Variants in PLA2G6 observed in about 807,000 individuals in gnomAD.
PLA2G6 encodes 85/88 kDa calcium-independent phospholipase A2.
PLA2G6 carries 62 observed loss-of-function variants against 83.8 expected under a neutral mutation model. The observed-to-expected ratio is 0.74, with a 90% CI of 0.60 to 0.91. The LOEUF (loss-of-function observed/expected upper bound fraction) is 0.91. PLA2G6 is among the 40% of genes least tolerant of loss of function. The pLI is 0.00. For synonymous variants in PLA2G6, 417 were observed against 449.8 expected, an observed-to-expected ratio of 0.93 and a Z score of 0.92; for missense variants, 944 against 1,102.0, an observed-to-expected ratio of 0.86 and a Z score of 2.03.
At chr22:38,154,253 C>T (rs926663269) in intron 2 of PLA2G6, among the ~76,000 whole-genome samples, 8 of 152,206 alleles carry the variant, frequency 5.3e-5, no homozygotes, top group African/African-American at 1.4e-4. Context: ...CTTAAGCAAA[C>T]GTAGGCAGTA....
intron 2 of PLA2G6, among the ~76,000 whole-genome samples, chr22:38,164,385 C>T (rs968455083): frequency 6.6e-6 from 1 of 152,238 alleles, no homozygotes; most frequent in Admixed American, 6.5e-5. Context: ...TTCTGCAAGC[C>T]TCTGTTTCCT....
At chr22:38,152,093 T>C (rs2089587701) in intron 2 of PLA2G6, among the ~76,000 whole-genome samples, 1 of 152,150 alleles carries the variant, frequency 6.6e-6, no homozygotes, top group South Asian at 2.1e-4. Context: ...GGTGGGGGGC[T>C]AATGGGAGGT....
At chr22:38,145,231 T>C in intron 3 of PLA2G6, 1 of 622,576 alleles carries the variant, frequency 1.6e-6, no homozygotes, top group African/African-American at 1.8e-5. Flanking sequence ...GGTCTTGCTA[T>C]TTTGCCAGGC....
chr22:38,135,106 T>A lies in PLA2G6; in HGVS notation c.798-22A>T, dbSNP rs372731031. The A allele has an allele frequency of 6.3e-7, 1 of 1,576,532 alleles. No individual in the cohort carries two copies. The highest frequency in any genetic ancestry group is 1.3e-5 in the African/African-American group (1 of 74,166). ...ACACCTGGTGAGAGAGGGGCCCCGGTTGGTGAGCAGAAGCTAGGGTCTGCG... is the reference window on the plus strand; with the variant it reads ...ACACCTGGTGAGAGAGGGGCCCCGGATGGTGAGCAGAAGCTAGGGTCTGCG... On this transcript the variant is annotated intron_variant, in intron 5 of 16. Coordinates refer to ENST00000332509, the MANE Select transcript of PLA2G6 (RefSeq NM_003560.4).
intron 12 of PLA2G6, among the ~76,000 whole-genome samples, chr22:38,117,201 C>T (rs890076813): frequency 6.6e-6 from 1 of 152,240 alleles, no homozygotes; most frequent in East Asian, 1.9e-4. Flanking sequence ...CGCCCACGAG[C>T]GTGGACACAA....
chr22:38,121,050 C>T, intron 11 of PLA2G6, 141 bp from the exon 12 acceptor site: 1 of 862,672 alleles, frequency 1.2e-6, no homozygotes, highest in East Asian at 2.5e-5. Context: ...AAATTCTGGG[C>T]CCTTCCTTTG....
intron 5 of PLA2G6, chr22:38,139,415 T>TTATTTTTATTTATTTA (rs773858903): frequency 6.8e-6 from 1 of 147,342 alleles, no homozygotes; most frequent in Non-Finnish European, 1.5e-5. Flanking sequence ...ATAAATTTAT[T>TTATTTTTATTTATTTA]TTTATTTATT....
At chr22:38,125,196 ATGTG>A (rs1224709889) in intron 10 of PLA2G6, among the ~76,000 whole-genome samples, 1 of 151,684 alleles carries the variant, frequency 6.6e-6, no homozygotes, top group Non-Finnish European at 1.5e-5. Context: ...GCGCATGTGT[ATGTG>A]TGTGCATGCA....
intron 2 of PLA2G6, chr22:38,146,721 T>TGG (rs1344893740): frequency 6.6e-6 from 1 of 152,020 alleles, no homozygotes; most frequent in Non-Finnish European, 1.5e-5. Context: ...TAATAAACTA[T>TGG]TATGCAGTCA....
chr22:38,125,225 T>C (rs140962234), intron 10 of PLA2G6, among the ~76,000 whole-genome samples: 1 of 152,300 alleles, frequency 6.6e-6, no homozygotes, highest in East Asian at 1.9e-4. Context: ...TGTTTGCATG[T>C]GTGCATGTGT....
chr22:38,159,924 C>G (rs955635258), intron 2 of PLA2G6, among the ~76,000 whole-genome samples: 1 of 152,056 alleles, frequency 6.6e-6, no homozygotes, highest in African/African-American at 2.4e-5. Context: ...CAATAGATAC[C>G]ATTAAAAGAA....
intron 11 of PLA2G6, among the ~76,000 whole-genome samples, chr22:38,121,341 A>G: frequency 6.6e-6 from 1 of 152,064 alleles, no homozygotes; most frequent in East Asian, 1.9e-4. Flanking sequence ...GCACCACTGC[A>G]CTCCAGCCTG....
intron 2 of PLA2G6, among the ~76,000 whole-genome samples, chr22:38,165,089 C>T (rs899477360): frequency 2.6e-5 from 4 of 152,210 alleles, no homozygotes; most frequent in Admixed American, 6.5e-5. Flanking sequence ...AGTCCCCATC[C>T]TCCACCTCCC....
At chr22:38,156,751 C>T (rs1284580561) in intron 2 of PLA2G6, among the ~76,000 whole-genome samples, 1 of 152,076 alleles carries the variant, frequency 6.6e-6, no homozygotes, top group Non-Finnish European at 1.5e-5. Flanking sequence ...CTTCTCCCAG[C>T]CAAATTACTT....
At position 38,143,209 on chromosome 22, in the gene PLA2G6, C is replaced by T. The variant is rs1296571870; in HGVS notation, c.505G>A (p.Val169Met). The change falls in exon 4 of 17, where the codon GTG becomes ATG. Residue 169 changes from valine (V) to methionine (M), a missense_variant. Physicochemically the swap from Val to Met is conservative, Grantham distance 21 (BLOSUM62 1). Transcript: ENST00000332509. ...ACRKGDGEIL[V>M]ELVQYCHTQM... ...GTGTGGCAGTACTGCACCAGCTCCA[C>T]CAGGATCTCCCCATCACCCTTGCGG... 15 of 1,614,040 alleles carry T rather than the reference C, an allele frequency of 9.3e-6. No homozygotes were observed. Among genetic ancestry groups the T allele is most frequent in the Non-Finnish European group, 1.3e-5 (15 of 1,180,030 alleles).
At chr22:38,130,549 C>A (rs1425644558) in intron 7 of PLA2G6, 1 of 151,502 alleles carries the variant, frequency 6.6e-6, no homozygotes, top group African/African-American at 2.4e-5. Context: ...GAACTCCTGA[C>A]CTCGTGATTC....
At position 38,166,744 on chromosome 22, in the gene PLA2G6, C is replaced by A. The variant is rs140799343; in HGVS notation, c.209+2474G>T. Among the ~76,000 whole-genome samples, 442 of 152,004 alleles carry A rather than the reference C, an allele frequency of 2.9e-3. 1 individual carries two copies. The highest frequency in any genetic ancestry group is 0.01 in the African/African-American group (424 of 41,454). On this transcript the variant is annotated intron_variant, in intron 2 of 16. Transcript: ENST00000332509. Reference sequence around the variant, plus strand: ...ACTTAACGTCTCAAAAAAATAAATACATACATACATACATGGAAACAACAC... The same window carrying A: ...ACTTAACGTCTCAAAAAAATAAATAAATACATACATACATGGAAACAACAC...
intron 9 of PLA2G6, chr22:38,127,410 T>A: frequency 7.6e-7 from 1 of 1,323,050 alleles, no homozygotes; most frequent in Non-Finnish European, 1.0e-6. Context: ...GCGTTACCCA[T>A]CTGACGCCGC....
chr22:38,122,995 C>T, intron 11 of PLA2G6, 100 bp downstream of exon 11: 1 of 1,183,240 alleles, frequency 8.5e-7, no homozygotes, highest in South Asian at 1.3e-5. Flanking sequence ...CCCTCCTCTA[C>T]TCCTCCACTC....
Sources: gnomAD v4.1 joint callset for allele counts (sites outside exome capture counted in the v4.1 genomes callset) on GRCh38, gnomAD v4.1.1 for gene constraint, MANE v1.5 for transcripts, NCBI Gene and HGNC (gene_info 2026-07-23, HGNC 2026-07-21) for gene names.